The following CLDN14 variants were observed in gnomAD, a reference collection of about 807,000 sequenced individuals.
The protein encoded by CLDN14 is claudin 14, also known as claudin-14.
In CLDN14, 2 loss-of-function variants were observed where a neutral mutation model predicts 2.1. The ratio of observed to expected loss-of-function variants is 0.96; its 90% CI spans 0.39 to 3.01. The LOEUF (loss-of-function observed/expected upper bound fraction) is 3.01, where lower values mean the gene tolerates loss of function less well. Ranked by LOEUF, CLDN14 falls within the 30% of genes most tolerant of loss-of-function variation. The pLI is 0.09. For synonymous variants in CLDN14, 136 were observed against 154.4 expected (o/e 0.88, Z 0.88); for missense variants, 298 against 328.0 (o/e 0.91, Z 0.71).
At chr21:36,508,648 A>G (rs766573163) in intron 2 of CLDN14, among the ~76,000 whole-genome samples, 1 of 152,136 alleles carries the variant, frequency 6.6e-6, no homozygotes, top group African/African-American at 2.4e-5. Flanking sequence ...GCACAGAGCC[A>G]CCCTCTACAA....
At chr21:36,500,857 C>T (rs567053360) in intron 2 of CLDN14, among the ~76,000 whole-genome samples, 55 of 152,300 alleles carry the variant, frequency 3.6e-4, no homozygotes, top group African/African-American at 1.1e-3. Flanking sequence ...AAATAGACAC[C>T]GCCTTATCTT....
At chr21:36,502,756 T>A (rs1264115592) in intron 2 of CLDN14, among the ~76,000 whole-genome samples, 1 of 152,226 alleles carries the variant, frequency 6.6e-6, no homozygotes, top group East Asian at 1.9e-4. Context: ...TTTGCATTCA[T>A]AAATGGTAAT....
At chr21:36,502,933 C>T (rs2087102571) in intron 2 of CLDN14, among the ~76,000 whole-genome samples, 1 of 152,228 alleles carries the variant, frequency 6.6e-6, no homozygotes, top group African/African-American at 2.4e-5. Flanking sequence ...GAATGGGCCC[C>T]ACTCCTAGAC....
intron 1 of CLDN14, among the ~76,000 whole-genome samples, chr21:36,569,415 CAA>C (rs749837574): frequency 2.5e-5 from 3 of 119,486 alleles, no homozygotes; most frequent in Non-Finnish European, 3.5e-5. Context: ...GACTCCGTCT[CAA>C]AAAAAAAAAA....
At chr21:36,484,491 C>G (rs1645110093), upstream of CLDN14, among the ~76,000 whole-genome samples, 1 of 152,160 alleles carries the variant, frequency 6.6e-6, no homozygotes, top group African/African-American at 2.4e-5. Context: ...AACCAAGACG[C>G]TAGCAGGGCT....
At chr21:36,470,916 C>A (rs2086703055) in intron 1 of CLDN14, among the ~76,000 whole-genome samples, 2 of 152,230 alleles carry the variant, frequency 1.3e-5, no homozygotes, top group Admixed American at 1.3e-4. Flanking sequence ...GCATAGATTG[C>A]AATAAGCAGA....
chr21:36,489,117 G>GA (rs869298653), intron 2 of CLDN14, among the ~76,000 whole-genome samples: 914 of 56,972 alleles, frequency 0.016, 45 homozygotes, highest in African/African-American at 0.06. Context: ...CTGTCTCAAA[G>GA]AAAAAAAAAA....
At chr21:36,533,886 T>C (rs568228509) in intron 1 of CLDN14, among the ~76,000 whole-genome samples, 1 of 152,250 alleles carries the variant, frequency 6.6e-6, no homozygotes, top group African/African-American at 2.4e-5. Flanking sequence ...AAATAACTAA[T>C]GTGTACTAGG....
At chr21:36,536,650 C>T (rs1342724959) in intron 1 of CLDN14, among the ~76,000 whole-genome samples, 1 of 152,186 alleles carries the variant, frequency 6.6e-6, no homozygotes, top group East Asian at 1.9e-4. Flanking sequence ...TTTAGTTATA[C>T]GAACGACACT....
intron 2 of CLDN14, among the ~76,000 whole-genome samples, chr21:36,491,945 C>T (rs890447708): frequency 1.2e-4 from 18 of 152,164 alleles, no homozygotes; most frequent in African/African-American, 3.9e-4. Context: ...CCCTGCAAAA[C>T]TCACGTCCAC....
chr21:36,571,733 A>C (rs2087711439), intron 1 of CLDN14, among the ~76,000 whole-genome samples: 1 of 152,142 alleles, frequency 6.6e-6, no homozygotes, highest in Non-Finnish European at 1.5e-5. Context: ...GCCCGGATTG[A>C]TGGAGACAAG....
In CLDN14 at chr21:36,498,697, C is replaced by G. The variant is rs2087063000; in HGVS notation, c.-82+11666G>C. 1.3e-5 allele frequency among the ~76,000 whole-genome samples: 2 copies of G among 152,168 alleles called. No individual in the cohort carries two copies. The highest frequency in any genetic ancestry group is 4.1e-4 in the South Asian group (2 of 4,822). ...AGGATCTGGCTGTGGCAGACAGCAG[C>G]CTACAGAAAGGTGGGGGCACCTCTC... On this transcript the variant is annotated intron_variant, in intron 2 of 2. Coordinates refer to the CLDN14 transcript ENST00000342108. The surrounding 1 kb of genome is among the most constrained non-coding windows in gnomAD (Gnocchi z 4.9).
intron 1 of CLDN14, among the ~76,000 whole-genome samples, chr21:36,538,316 C>T (rs2087447631): frequency 6.6e-6 from 1 of 152,104 alleles, no homozygotes; most frequent in Non-Finnish European, 1.5e-5. Context: ...AAAACAATCA[C>T]CACCACCACC....
intron 1 of CLDN14, among the ~76,000 whole-genome samples, chr21:36,543,064 G>A (rs879413582): frequency 1.3e-5 from 2 of 152,170 alleles, no homozygotes; most frequent in Non-Finnish European, 2.9e-5. Context: ...GCCGGAGGTG[G>A]GTGAAAATCC....
chr21:36,556,581 T>G (rs1266187463), intron 1 of CLDN14, among the ~76,000 whole-genome samples: 1 of 152,194 alleles, frequency 6.6e-6, no homozygotes, highest in Non-Finnish European at 1.5e-5. Flanking sequence ...AAGAAAACAA[T>G]GCATCCTCAG....
chr21:36,525,504 G>A (rs552699458), intron 1 of CLDN14, among the ~76,000 whole-genome samples: 38 of 152,298 alleles, frequency 2.5e-4, no homozygotes, highest in African/African-American at 8.7e-4. Context: ...TTGGAGGATG[G>A]CAAGGAGCCC....
chr21:36,524,488 C>T (rs925692973), intron 1 of CLDN14, among the ~76,000 whole-genome samples: 33 of 152,148 alleles, frequency 2.2e-4, no homozygotes, highest in African/African-American at 6.8e-4. Flanking sequence ...AGACAGATAC[C>T]GACCGTATGC....
chr21:36,489,131 A>ATATATATATATAT (rs1555847002), intron 2 of CLDN14, among the ~76,000 whole-genome samples: 6 of 62,748 alleles, frequency 9.6e-5, no homozygotes, highest in Non-Finnish European at 6.0e-5. Flanking sequence ...AAAAAAAAAA[A>ATATATATATATAT]ATATATATAT....
chr21:36,553,523 C>A (rs1201736261), intron 1 of CLDN14, among the ~76,000 whole-genome samples: 3 of 152,036 alleles, frequency 2.0e-5, no homozygotes, highest in Non-Finnish European at 4.4e-5. Context: ...AAGGCCCTGC[C>A]CGCCCATTTC....
Sources: allele counts gnomAD v4.1 joint callset (sites outside exome capture counted in the v4.1 genomes callset), GRCh38; gene constraint gnomAD v4.1.1; non-coding constraint Gnocchi (gnomAD v3.1); transcripts MANE v1.5; gene names NCBI Gene and HGNC (gene_info 2026-07-23, HGNC 2026-07-21).